The following BSN variants were observed in gnomAD, a reference collection of about 807,000 sequenced individuals.
BSN encodes protein bassoon.
A neutral mutation model predicts 264.8 loss-of-function variants in BSN; 57 were observed. The observed-to-expected ratio is 0.22, with a 90% CI of 0.17 to 0.27. The LOEUF is 0.27. Among genes scored for constraint, BSN ranks in the 10% least tolerant of loss-of-function variants. The pLI, the probability that BSN is intolerant of heterozygous loss-of-function variation, is 1.00. For missense variants in BSN, 4,615 were observed against 5,232.5 expected (o/e 0.88, Z 3.64); for synonymous variants, 2,059 against 2,137.3 (o/e 0.96, Z 1.01).
chr3:49,561,073 G>A (rs1230802341), intron 1 of BSN, among the ~76,000 whole-genome samples: 1 of 152,184 alleles, frequency 6.6e-6, no homozygotes, highest in Non-Finnish European at 1.5e-5. Flanking sequence ...GAGACCTGGG[G>A]CCCCTACTTC....
At chr3:49,580,848 T>G (rs1253149597) in intron 1 of BSN, among the ~76,000 whole-genome samples, 1 of 152,186 alleles carries the variant, frequency 6.6e-6, no homozygotes, top group African/African-American at 2.4e-5. Context: ...TTAGTGGCAT[T>G]AATTACTGTA....
intron 1 of BSN, among the ~76,000 whole-genome samples, chr3:49,607,359 G>A (rs1306309860): frequency 6.6e-6 from 1 of 152,202 alleles, no homozygotes. Context: ...CCCTCTGTTG[G>A]CTCAGTCTGG....
At chr3:49,626,260 C>T (rs946590851) in intron 2 of BSN, among the ~76,000 whole-genome samples, 7 of 152,136 alleles carry the variant, frequency 4.6e-5, no homozygotes, top group Admixed American at 6.5e-5. Flanking sequence ...CACAAGAATC[C>T]GTCTTTGGAT....
intron 1 of BSN, among the ~76,000 whole-genome samples, chr3:49,620,497 A>G (rs2052297108): frequency 6.6e-6 from 1 of 152,140 alleles, no homozygotes; most frequent in African/African-American, 2.4e-5. Context: ...GGCCAAATGC[A>G]CATGTCAGGA....
intron 1 of BSN, among the ~76,000 whole-genome samples, chr3:49,605,672 C>A (rs188860614): frequency 0.8 from 25,779 of 32,154 alleles, 10,543 homozygotes; most frequent in East Asian, 0.99. Context: ...ATATATATTA[C>A]ATATATGTAA....
chr3:49,618,411 A>G (rs907429498), intron 1 of BSN, among the ~76,000 whole-genome samples: 19 of 152,108 alleles, frequency 1.2e-4, no homozygotes, highest in Non-Finnish European at 2.5e-4. Flanking sequence ...CACACAGACT[A>G]TCTCCTGGGC....
chr3:49,665,217 A>C lies in BSN; in HGVS notation c.*15-12A>C. ...GCAACTCCTCTCCAGCCCTCCTCTA[A>C]ATGCTCCACAGGCTCTTGAAGAAAT... On this transcript the variant is annotated splice_polypyrimidine_tract_variant and intron_variant, in intron 10 of 11. Coordinates refer to ENST00000296452, the MANE Select transcript of BSN (RefSeq NM_003458.4). 4.9e-6 allele frequency: 1 copy of C among 202,948 alleles called. No homozygotes were observed. Among genetic ancestry groups the C allele is most frequent in the East Asian group, 1.3e-4 (1 of 7,884 alleles). The allele number at this position is 202,948 out of a possible 1,614,324, so 12.6% of individuals were successfully genotyped here. A position where few individuals can be genotyped will look rare whatever the true frequency, so the allele number is the denominator to read the frequency against.
rs142435263 is a variant in BSN, at chr3:49,663,407, G to A, written c.11249G>A (p.Arg3750Gln). The change falls in exon 7 of 12, where the codon CGG becomes CAG. Residue 3750 changes from arginine to glutamine, a missense_variant. This residue lies in a region of BSN where 3,415 missense variants were observed against 3,866.4 expected (regional missense o/e 0.88). Coordinates refer to ENST00000296452, the MANE Select transcript of BSN (RefSeq NM_003458.4). ...EPQAQPQLQG[R>Q]QAAPGPQQSQ... ...CAGGCGCAGCCGCAGCTGCAAGGTC[G>A]GCAGGCAGCTCCAGGACCACAGCAG... 58 of 1,612,820 alleles carry A rather than the reference G, an allele frequency of 3.6e-5. No homozygotes were observed. The African/African-American group carries it at 4.8e-4, about 13-fold the overall frequency.
chr3:49,643,529 T>C (rs1175936835), intron 3 of BSN, among the ~76,000 whole-genome samples: 2 of 152,138 alleles, frequency 1.3e-5, no homozygotes, highest in Non-Finnish European at 2.9e-5. Flanking sequence ...ACCTGTGACC[T>C]TCAGAGGGGT....
At chr3:49,606,006 A>G (rs1401337313) in intron 1 of BSN, among the ~76,000 whole-genome samples, 1 of 92,874 alleles carries the variant, frequency 1.1e-5, no homozygotes, top group Admixed American at 2.0e-4. Context: ...ATATTTATAT[A>G]TACATAGAAA....
At position 49,585,698 on chromosome 3, in the gene BSN, T is replaced by A. The variant is rs1434200076; in HGVS notation, c.224+30872T>A. On this transcript the variant is annotated intron_variant, in intron 1 of 11. Coordinates refer to ENST00000296452, the MANE Select transcript of BSN (RefSeq NM_003458.4). This position sits in a 1 kb window ranked among gnomAD's most constrained non-coding sequence, Gnocchi z 4.7. ...TCCAAACTGTTCTTCATAGTGGTTG[T>A]ACTAATTTACATTCCCACTAACAGT... 1.3e-5 allele frequency among the ~76,000 whole-genome samples: 2 copies of A among 152,262 alleles called. No individual in the cohort carries two copies. The highest frequency in any genetic ancestry group is 3.8e-4 in the East Asian group (2 of 5,206).
At chr3:49,633,728 A>T (rs2052399400) in intron 2 of BSN, among the ~76,000 whole-genome samples, 1 of 152,246 alleles carries the variant, frequency 6.6e-6, no homozygotes, top group Admixed American at 6.5e-5. Context: ...ATATACATAC[A>T]TACACACAAC....
At chr3:49,635,987 G>A (rs2052417368) in intron 2 of BSN, among the ~76,000 whole-genome samples, 2 of 150,358 alleles carry the variant, frequency 1.3e-5, no homozygotes, top group African/African-American at 4.9e-5. Context: ...AAAAAAAAAA[G>A]TACATCGCTG....
chr3:49,647,687 G>A (rs534552150), intron 3 of BSN, among the ~76,000 whole-genome samples: 3 of 152,300 alleles, frequency 2.0e-5, no homozygotes, highest in South Asian at 2.1e-4. Flanking sequence ...GGGTATGTTG[G>A]GGTTGGAGAA....
chr3:49,650,654 C>T lies in BSN; in HGVS notation c.1561C>T (p.Leu521=). The change falls in exon 4 of 12, where the codon CTG becomes TTG. Residue 521 remains leucine (L), a synonymous_variant. Coordinates refer to ENST00000296452, the MANE Select transcript of BSN (RefSeq NM_003458.4). Reference sequence around the variant, plus strand: ...TCTGAACTGCCAAACCAAGCGGCTACTGGAGGGCAGCCTAGGAGAGCCGAC... The same window carrying T: ...TCTGAACTGCCAAACCAAGCGGCTATTGGAGGGCAGCCTAGGAGAGCCGAC... ...LCLNCQTKRL[L]EGSLGEPTPL... 6.2e-7 allele frequency: 1 copy of T among 1,609,200 alleles called. No individual in the cohort carries two copies.
rs747673147 is a variant in BSN, at chr3:49,642,588, G to A, written c.954G>A (p.Arg318=). The change falls in exon 3 of 12, where the codon AGG becomes AGA. Residue 318 remains arginine (R), a synonymous_variant. Transcript: ENST00000296452. The surrounding 1 kb of genome is among the most constrained non-coding windows in gnomAD (Gnocchi z 7.0). ...CCAAGCCTTCCACAGCTGAGCCCAG[G>A]CCACCTGCAGGAGAGGCCCCGGCCA... The part of the protein sequence containing the change: ...QPTKPSTAEP[R]PPAGEAPAKS... The A allele has an allele frequency of 1.4e-5, 22 of 1,605,274 alleles. No homozygotes were observed. The Middle Eastern group carries it at 8.3e-4, about 60-fold the overall frequency.
In BSN at chr3:49,657,350, G is replaced by A; in HGVS notation, c.7794G>A (p.Leu2598=). ...AGGATGGGGAGAGCCGCTACCTCTT[G>A]AGTCGGCGACGCCGGGCACGGCGGA... is the stretch of plus-strand genomic sequence containing the variant. The part of the protein sequence containing the change: ...DDEDGESRYL[L]SRRRRARRSA... The change falls in exon 5 of 12, where the codon TTG becomes TTA. Residue 2598 remains leucine, a synonymous_variant. Coordinates refer to ENST00000296452, the MANE Select transcript of BSN (RefSeq NM_003458.4). The A allele has an allele frequency of 3.1e-6, 5 of 1,613,412 alleles. No individual in the cohort carries two copies. The highest frequency in any genetic ancestry group is 4.2e-6 in the Non-Finnish European group (5 of 1,180,014).
At position 49,656,041 on chromosome 3, in the gene BSN, G is replaced by A; in HGVS notation, c.6485G>A (p.Gly2162Glu). The change falls in exon 5 of 12, where the codon GGG becomes GAG. Residue 2162 changes from glycine (G) to glutamate (E), a missense_variant. Coordinates refer to ENST00000296452, the MANE Select transcript of BSN (RefSeq NM_003458.4). ...PTFPEGHPSP[G>E]NLAQYGPAAG... ...TTTCCAGAGGGCCACCCAAGTCCTG[G>A]GAACTTGGCCCAGTATGGGCCTGCA... 6.2e-7 allele frequency: 1 copy of A among 1,603,156 alleles called. No individual in the cohort carries two copies. Among genetic ancestry groups the A allele is most frequent in the Non-Finnish European group, 8.5e-7 (1 of 1,174,232 alleles).
chr3:49,608,244 G>GA (rs919932191), intron 1 of BSN, among the ~76,000 whole-genome samples: 9 of 152,168 alleles, frequency 5.9e-5, no homozygotes, highest in African/African-American at 2.2e-4. Flanking sequence ...CTTCAGAAGT[G>GA]AAAAACAAGG....
Sources: allele counts gnomAD v4.1 joint callset (sites outside exome capture counted in the v4.1 genomes callset), GRCh38; gene constraint gnomAD v4.1.1; regional missense constraint gnomAD v4.1.1; non-coding constraint Gnocchi (gnomAD v3.1); transcripts MANE v1.5; gene names NCBI Gene and HGNC (gene_info 2026-07-23, HGNC 2026-07-21).